Variants in SAMMSON observed in about 807,000 individuals in gnomAD.
The protein encoded by SAMMSON is long intergenic non-protein coding RNA 1212.
At chr3:70,179,423 G>C (rs893538039) in intron 4 of SAMMSON, among the ~76,000 whole-genome samples, 1 of 152,200 alleles carries the variant, frequency 6.6e-6, no homozygotes, top group Non-Finnish European at 1.5e-5. Context: ...ACAGACAGGA[G>C]CAGAGTTGCA....
intron 3 of SAMMSON, among the ~76,000 whole-genome samples, chr3:70,041,999 T>C (rs2067108138): frequency 6.6e-6 from 1 of 152,114 alleles, no homozygotes; most frequent in Non-Finnish European, 1.5e-5. Flanking sequence ...GCATGATCAA[T>C]GGCTTTGAAT....
intron 3 of SAMMSON, among the ~76,000 whole-genome samples, chr3:70,034,476 A>G (rs569863018): frequency 2.0e-5 from 3 of 152,318 alleles, no homozygotes; most frequent in African/African-American, 7.2e-5. Flanking sequence ...CATGCAGTAT[A>G]TATACCCTCC....
At chr3:70,426,598 C>T (rs1701371270) in intron 2 of SAMMSON, among the ~76,000 whole-genome samples, 1 of 152,184 alleles carries the variant, frequency 6.6e-6, no homozygotes, top group Non-Finnish European at 1.5e-5. Flanking sequence ...CATTCTTCTT[C>T]CCCTAAACAA....
At chr3:70,277,010 A>C (rs1238223354) in intron 6 of SAMMSON, among the ~76,000 whole-genome samples, 1 of 152,152 alleles carries the variant, frequency 6.6e-6, no homozygotes, top group Non-Finnish European at 1.5e-5. Context: ...TCACACACAC[A>C]TAATTTTTAG....
intron 8 of SAMMSON, among the ~76,000 whole-genome samples, chr3:70,354,438 A>C (rs1325402247): frequency 6.6e-6 from 1 of 152,218 alleles, no homozygotes; most frequent in Non-Finnish European, 1.5e-5. Flanking sequence ...GAAATAGTTT[A>C]AAGATAATAA....
At chr3:70,399,994 G>A (rs9990261) in intron 2 of SAMMSON, among the ~76,000 whole-genome samples, 2 of 150,148 alleles carry the variant, frequency 1.3e-5, no homozygotes, top group African/African-American at 5.0e-5. Context: ...TTTTAAGTAA[G>A]GTAAGAAGGG....
intron 8 of SAMMSON, among the ~76,000 whole-genome samples, chr3:70,355,799 G>A (rs1465367617): frequency 2.0e-5 from 3 of 152,040 alleles, no homozygotes; most frequent in Admixed American, 1.3e-4. Context: ...AGAGGTAAAC[G>A]GCACACTCAG....
At chr3:70,017,398 G>T (rs1490009034) in intron 3 of SAMMSON, among the ~76,000 whole-genome samples, 1 of 152,032 alleles carries the variant, frequency 6.6e-6, no homozygotes, top group Non-Finnish European at 1.5e-5. Context: ...TGTTATTGGT[G>T]TATAAGAATG....
intron 2 of SAMMSON, among the ~76,000 whole-genome samples, chr3:70,426,800 A>G (rs900976799): frequency 3.3e-5 from 5 of 152,198 alleles, no homozygotes; most frequent in Non-Finnish European, 7.4e-5. Flanking sequence ...AGATTCAACT[A>G]TAGAAAGGAT....
chr3:70,040,546 G>A (rs1478462851), intron 3 of SAMMSON, among the ~76,000 whole-genome samples: 1 of 152,142 alleles, frequency 6.6e-6, no homozygotes, highest in Non-Finnish European at 1.5e-5. Context: ...TTGTGACTTG[G>A]TTGTCACTCT....
chr3:70,006,868 A>G (rs948940129), intron 1 of SAMMSON, among the ~76,000 whole-genome samples: 1 of 138,470 alleles, frequency 7.2e-6, no homozygotes, highest in Non-Finnish European at 1.5e-5. Flanking sequence ...TCATTGTTCA[A>G]TTCCCACCTA....
chr3:70,340,069 C>T (rs1260651987), intron 7 of SAMMSON, among the ~76,000 whole-genome samples: 1 of 152,106 alleles, frequency 6.6e-6, no homozygotes, highest in Admixed American at 6.5e-5. Flanking sequence ...GAATACTATG[C>T]AGCCATAAAA....
At chr3:70,325,374 C>T (rs1397667494) in intron 7 of SAMMSON, among the ~76,000 whole-genome samples, 2 of 152,100 alleles carry the variant, frequency 1.3e-5, no homozygotes, top group Admixed American at 6.6e-5. Flanking sequence ...CCCATGCGGG[C>T]TGTGAGTGTC....
chr3:70,020,761 C>T (rs1309965651), intron 3 of SAMMSON, among the ~76,000 whole-genome samples: 4 of 152,062 alleles, frequency 2.6e-5, no homozygotes, highest in African/African-American at 7.2e-5. Flanking sequence ...TGATCGAGCG[C>T]CTTTTACAAT....
At chr3:70,300,971 A>G (rs2106701548) in intron 7 of SAMMSON, among the ~76,000 whole-genome samples, 1 of 152,204 alleles carries the variant, frequency 6.6e-6, no homozygotes, top group African/African-American at 2.4e-5. Context: ...TCCTAAATAA[A>G]TGATTCATTT....
At chr3:70,014,330 T>A (rs1246844806) in intron 3 of SAMMSON, 1 of 152,110 alleles carries the variant, frequency 6.6e-6, no homozygotes, top group Admixed American at 6.6e-5. Context: ...GTCTAAAAGA[T>A]AAATAAAACT....
chr3:70,043,357 T>C (rs1002269773), intron 3 of SAMMSON, among the ~76,000 whole-genome samples: 3 of 152,056 alleles, frequency 2.0e-5, no homozygotes, highest in Admixed American at 1.3e-4. Context: ...TTTACACACA[T>C]CCTTATATCA....
In SAMMSON at chr3:70,235,098, G is replaced by GT. The variant is rs992188343; in HGVS notation, n.508-14002dup. Among the ~76,000 whole-genome samples the GT allele has an allele frequency of 9.9e-5, 15 of 152,162 alleles. No individual in the cohort carries two copies. In the South Asian group the frequency reaches 1.5e-3, roughly 15 times the overall value. On this transcript the variant is annotated intron_variant and non_coding_transcript_variant, in intron 4 of 9. Transcript: ENST00000642114. ...CTGCAGAATGTCCTTGTTCCTTTAT[G>GT]TTTTTTTCCAACCTCTATTGGAGAA...
intron 8 of SAMMSON, among the ~76,000 whole-genome samples, chr3:70,355,383 G>C (rs1268356818): frequency 1.3e-5 from 2 of 151,740 alleles, no homozygotes; most frequent in African/African-American, 4.8e-5. Flanking sequence ...CACAGATAAA[G>C]TAGGCATAAG....
Sources: allele counts gnomAD v4.1 joint callset (sites outside exome capture counted in the v4.1 genomes callset), GRCh38; gene constraint gnomAD v4.1.1; transcripts MANE v1.5; gene names NCBI Gene and HGNC (gene_info 2026-07-23, HGNC 2026-07-21).